The following RAB3GAP1 variants were observed in gnomAD, a reference collection of about 807,000 sequenced individuals.
RAB3GAP1 encodes the protein RAB3 GTPase activating protein catalytic subunit 1.
Under a neutral mutation model 130.7 loss-of-function variants are expected in RAB3GAP1, and 86 were observed. That is an observed-to-expected ratio of 0.66 (90% confidence interval 0.55 to 0.79). The LOEUF (loss-of-function observed/expected upper bound fraction) is 0.79. Among genes scored for constraint, RAB3GAP1 ranks in the 30% least tolerant of loss-of-function variants. The pLI, the probability that RAB3GAP1 is intolerant of heterozygous loss-of-function variation, is 0.00. For missense variants in RAB3GAP1, 1,029 were observed against 1,169.4 expected (o/e 0.88, Z 1.75); for synonymous variants, 367 against 401.7 (o/e 0.91, Z 1.03).
intron 5 of RAB3GAP1, among the ~76,000 whole-genome samples, chr2:135,099,342 A>G (rs1163722151): frequency 6.6e-6 from 1 of 152,050 alleles, no homozygotes; most frequent in East Asian, 1.9e-4. Flanking sequence ...GATTTTTAAT[A>G]TGTTGATTGC....
At chr2:135,076,153 C>A (rs890395467) in intron 3 of RAB3GAP1, among the ~76,000 whole-genome samples, 1 of 152,124 alleles carries the variant, frequency 6.6e-6, no homozygotes, top group African/African-American at 2.4e-5. Flanking sequence ...TGCTGATCAC[C>A]CGCCTCAGCC....
At chr2:135,123,475 G>C (rs962988444) in intron 8 of RAB3GAP1, among the ~76,000 whole-genome samples, 3 of 152,160 alleles carry the variant, frequency 2.0e-5, no homozygotes, top group African/African-American at 7.2e-5. Context: ...TGTTAACTCA[G>C]TAGGCTTTAA....
At chr2:135,067,360 A>G (rs541002499) in intron 3 of RAB3GAP1, among the ~76,000 whole-genome samples, 2 of 152,296 alleles carry the variant, frequency 1.3e-5, no homozygotes, top group African/African-American at 4.8e-5. Context: ...GACATGTAAG[A>G]TAAGGTTTGT....
rs1573574992 is a variant in RAB3GAP1, at chr2:135,126,523, G to C, written c.900-60G>C. 3 of 1,442,728 alleles carry C rather than the reference G, an allele frequency of 2.1e-6. No homozygotes were observed. In the East Asian group the frequency reaches 6.8e-5, roughly 33 times the overall value. The allele number at this position is 1,442,728 out of a possible 1,614,324, so 89.4% of individuals were successfully genotyped here. On this transcript the variant is annotated intron_variant, in intron 10 of 23. Coordinates refer to ENST00000264158, the MANE Select transcript of RAB3GAP1 (RefSeq NM_012233.3). Reference sequence around the variant, plus strand: ...TTTTCATTAGACTGCATTTTAATAAGTTCATGAATCTTGCAGATTGTCATA... The same window carrying C: ...TTTTCATTAGACTGCATTTTAATAACTTCATGAATCTTGCAGATTGTCATA...
At chr2:135,058,153 G>T (rs1306378022) in intron 3 of RAB3GAP1, 67 bp downstream of exon 3, 1 of 1,277,838 alleles carries the variant, frequency 7.8e-7, no homozygotes, top group Admixed American at 1.7e-5. Flanking sequence ...CCAGCCCTTT[G>T]CTGCATTTGG....
intron 10 of RAB3GAP1, 92 bp downstream of exon 10, chr2:135,126,341 T>C (rs1573574851): frequency 1.9e-6 from 2 of 1,074,794 alleles, no homozygotes; most frequent in East Asian, 5.0e-5. Flanking sequence ...GCATTTTTTA[T>C]TATTTTGTTT....
rs559459919 is a variant in RAB3GAP1 at position 135,068,250 on chromosome 2, A to G, written c.150+10164A>G. On this transcript the variant is annotated intron_variant, in intron 3 of 23. Transcript: ENST00000264158. ...AAGTTTAATTCTGAGATAGATAAGA[A>G]TTAAGTATCTTTTTAGACATTTTTA... 3.3e-5 allele frequency among the ~76,000 whole-genome samples: 5 copies of G among 152,288 alleles called. No individual in the cohort carries two copies. In the East Asian group the frequency reaches 9.6e-4, roughly 29 times the overall value.
chr2:135,166,325 T>C (rs2105004391), intron 23 of RAB3GAP1, among the ~76,000 whole-genome samples: 1 of 152,206 alleles, frequency 6.6e-6, no homozygotes, highest in African/African-American at 2.4e-5. Flanking sequence ...AAGTAAAACT[T>C]TGACAATATA....
At chr2:135,076,256 G>A (rs1232343111) in intron 3 of RAB3GAP1, among the ~76,000 whole-genome samples, 1 of 152,112 alleles carries the variant, frequency 6.6e-6, no homozygotes, top group Non-Finnish European at 1.5e-5. Flanking sequence ...AAGAGGACAT[G>A]ATTCTTATTT....
chr2:135,125,424 A>G (rs878915312), intron 9 of RAB3GAP1, among the ~76,000 whole-genome samples: 1 of 152,224 alleles, frequency 6.6e-6, no homozygotes, highest in East Asian at 1.9e-4. Flanking sequence ...TAATTTATAA[A>G]TTTGGCACAG....
chr2:135,077,433 T>C (rs1689662819), intron 3 of RAB3GAP1, among the ~76,000 whole-genome samples: 1 of 152,214 alleles, frequency 6.6e-6, no homozygotes, highest in Non-Finnish European at 1.5e-5. Context: ...GGCTCATGCC[T>C]GTAATCCCAG....
intron 3 of RAB3GAP1, among the ~76,000 whole-genome samples, chr2:135,082,161 G>GAATGAATGAATGAATA (rs138937070): frequency 0.11 from 15,868 of 149,990 alleles, 1,072 homozygotes; most frequent in South Asian, 0.3. Flanking sequence ...ATGAATGAAT[G>GAATGAATGAATGAATA]AATAAATAAA....
intron 13 of RAB3GAP1, among the ~76,000 whole-genome samples, chr2:135,131,959 C>T (rs1357686628): frequency 6.6e-6 from 1 of 152,218 alleles, no homozygotes; most frequent in Non-Finnish European, 1.5e-5. Flanking sequence ...ATCTTATCCC[C>T]TGCCATTTAT....
At chr2:135,121,701 A>G (rs936033421) in intron 8 of RAB3GAP1, among the ~76,000 whole-genome samples, 10 of 152,266 alleles carry the variant, frequency 6.6e-5, no homozygotes, top group Non-Finnish European at 1.0e-4. Context: ...CTAAAGAGAA[A>G]TAAAATAAAC....
At chr2:135,172,176 T>C (rs1026928470), downstream of RAB3GAP1, among the ~76,000 whole-genome samples, 2 of 151,970 alleles carry the variant, frequency 1.3e-5, no homozygotes, top group African/African-American at 4.8e-5. Flanking sequence ...GTGCCTGTAA[T>C]CCCAGCACTT....
intron 5 of RAB3GAP1, among the ~76,000 whole-genome samples, chr2:135,096,406 C>G (rs1277811021): frequency 2.0e-5 from 3 of 152,090 alleles, no homozygotes; most frequent in African/African-American, 7.2e-5. Context: ...TTTGCAAATG[C>G]AGGTAAACGG....
Position 135,162,544 on chromosome 2 carries a change from A to G in RAB3GAP1, c.2290-11A>G. ...TGCGCTGATCATTTGTGTGCGCTGC[A>G]CCTCCTTCAGGTGCTGCACTATCTG... On this transcript the variant is annotated splice_polypyrimidine_tract_variant and intron_variant, in intron 19 of 23. Coordinates refer to ENST00000264158, the MANE Select transcript of RAB3GAP1 (RefSeq NM_012233.3). 1 of 1,608,428 alleles carries G rather than the reference A, an allele frequency of 6.2e-7. No individual in the cohort carries two copies. Among genetic ancestry groups the G allele is most frequent in the East Asian group, 2.2e-5 (1 of 44,828 alleles).
chr2:135,109,472 A>G lies in RAB3GAP1; in HGVS notation c.363-3679A>G, dbSNP rs112394850. Among the ~76,000 whole-genome samples the G allele has an allele frequency of 1.0e-3, 155 of 152,132 alleles. 1 individual carries two copies. Among genetic ancestry groups the G allele is most frequent in the African/African-American group, 3.6e-3 (150 of 41,522 alleles). ...TGTACATACACCTTTTTGCATTTGTATGAATGGTTTTGTAGCATAGATATA... is the reference window on the plus strand; with the variant it reads ...TGTACATACACCTTTTTGCATTTGTGTGAATGGTTTTGTAGCATAGATATA... On this transcript the variant is annotated intron_variant, in intron 5 of 23. Coordinates refer to ENST00000264158, the MANE Select transcript of RAB3GAP1 (RefSeq NM_012233.3).
intron 19 of RAB3GAP1, among the ~76,000 whole-genome samples, chr2:135,159,304 G>A (rs1302351680): frequency 1.3e-5 from 2 of 152,202 alleles, no homozygotes; most frequent in Non-Finnish European, 2.9e-5. Flanking sequence ...AAGGAGTGAT[G>A]TTACAGTGCA....
Sources: allele counts gnomAD v4.1 joint callset (sites outside exome capture counted in the v4.1 genomes callset), GRCh38; gene constraint gnomAD v4.1.1; transcripts MANE v1.5; gene names NCBI Gene and HGNC (gene_info 2026-07-23, HGNC 2026-07-21).